Variants in CDK14 observed in about 807,000 individuals in gnomAD.
CDK14 encodes the protein cyclin dependent kinase 14, also known as cyclin-dependent kinase 14.
Under a neutral mutation model 60.7 loss-of-function variants are expected in CDK14, and 34 were observed. The ratio of observed to expected loss-of-function variants is 0.56; its 90% CI spans 0.43 to 0.75. CDK14 has a LOEUF of 0.75. CDK14 is among the 30% of genes least tolerant of loss of function. CDK14 has a pLI of 0.00. For missense variants in CDK14, 482 were observed against 564.1 expected, an observed-to-expected ratio of 0.85 and a Z score of 1.47; for synonymous variants, 197 against 203.7, an observed-to-expected ratio of 0.97 and a Z score of 0.28.
chr7:91,122,486 G>T (rs1025663335), intron 14 of CDK14, among the ~76,000 whole-genome samples: 3 of 152,144 alleles, frequency 2.0e-5, no homozygotes, highest in Admixed American at 1.3e-4. Context: ...TAGAATGGTG[G>T]TTCTTACTCG....
At chr7:90,732,615 A>G (rs989603338) in intron 3 of CDK14, among the ~76,000 whole-genome samples, 12 of 152,090 alleles carry the variant, frequency 7.9e-5, no homozygotes, top group Non-Finnish European at 2.9e-5. Context: ...TAGATTTTTT[A>G]GTTTATTTGC....
chr7:91,046,944 T>C (rs986980458), intron 11 of CDK14, among the ~76,000 whole-genome samples: 9 of 152,210 alleles, frequency 5.9e-5, no homozygotes, highest in Non-Finnish European at 1.2e-4. Flanking sequence ...CTTAATATTT[T>C]TCTTCTGAAA....
At chr7:91,072,050 A>G (rs1798164187) in intron 11 of CDK14, among the ~76,000 whole-genome samples, 1 of 152,316 alleles carries the variant, frequency 6.6e-6, no homozygotes, top group South Asian at 2.1e-4. Flanking sequence ...AGGGGTGGCC[A>G]TAGTCTCTGC....
In CDK14 at chr7:90,838,141, C is replaced by A. The variant is rs1221294533; in HGVS notation, c.545-25034C>A. Among the ~76,000 whole-genome samples, 3 of 152,190 alleles carry A rather than the reference C, an allele frequency of 2.0e-5. No individual in the cohort carries two copies. In the East Asian group the frequency reaches 5.8e-4, roughly 29 times the overall value. Reference sequence around the variant, plus strand: ...ACATAAATTGTGAAGATTTCATGAACATTTATTAGTTCCCAAAATTAATAC... The same window carrying A: ...ACATAAATTGTGAAGATTTCATGAAAATTTATTAGTTCCCAAAATTAATAC... On this transcript the variant is annotated intron_variant, in intron 5 of 14. Coordinates refer to ENST00000380050, the MANE Select transcript of CDK14 (RefSeq NM_001287135.2).
chr7:91,209,177 TAACTTGAA>T lies in CDK14; in HGVS notation c.*2044_*2051del, dbSNP rs1030824345. The T allele has an allele frequency of 6.6e-6, 1 of 152,298 alleles. No homozygotes were observed. Among genetic ancestry groups the T allele is most frequent in the African/African-American group, 2.4e-5 (1 of 41,456 alleles). The allele number at this position is 152,298 out of a possible 1,614,324, so 9.4% of individuals were successfully genotyped here. ...AAATGTTGCTTTTTAATAAGGTTTT[TAACTTGAA>T]AATTTGAAAATATTTAATGTTGAAA... On this transcript the variant is annotated 3_prime_UTR_variant, in exon 15 of 15. Coordinates refer to ENST00000380050, the MANE Select transcript of CDK14 (RefSeq NM_001287135.2).
chr7:90,775,898 G>A (rs2116910797), intron 4 of CDK14, among the ~76,000 whole-genome samples: 1 of 151,468 alleles, frequency 6.6e-6, no homozygotes, highest in East Asian at 2.0e-4. Context: ...GTATTATATG[G>A]TACATGTGGC....
chr7:90,633,198 T>C (rs956655012), intron 2 of CDK14, among the ~76,000 whole-genome samples: 2 of 152,158 alleles, frequency 1.3e-5, no homozygotes, highest in Admixed American at 1.3e-4. Flanking sequence ...TACGTAAGTA[T>C]GGAGACTTTT....
chr7:90,879,862 A>G (rs2117279029), intron 6 of CDK14, among the ~76,000 whole-genome samples: 1 of 151,916 alleles, frequency 6.6e-6, no homozygotes, highest in East Asian at 1.9e-4. Context: ...TCTGAAAGCA[A>G]CACGGGAAAG....
intron 10 of CDK14, among the ~76,000 whole-genome samples, chr7:90,986,556 G>A (rs1044893048): frequency 1.3e-5 from 2 of 151,778 alleles, no homozygotes; most frequent in African/African-American, 4.8e-5. Context: ...GTATAAACAT[G>A]TTTGGTTTTT....
intron 2 of CDK14, among the ~76,000 whole-genome samples, chr7:90,665,726 T>C (rs567565832): frequency 2.6e-5 from 4 of 152,324 alleles, no homozygotes; most frequent in African/African-American, 7.2e-5. Flanking sequence ...GAACTACACA[T>C]TTAAAAATTT....
At chr7:91,021,471 T>C (rs541784448) in intron 10 of CDK14, among the ~76,000 whole-genome samples, 37 of 152,290 alleles carry the variant, frequency 2.4e-4, no homozygotes, top group African/African-American at 8.7e-4. Context: ...AATGTGAGGA[T>C]TTTGTGAGAT....
At chr7:90,815,916 CG>C (rs1208342596) in intron 5 of CDK14, among the ~76,000 whole-genome samples, 1 of 129,130 alleles carries the variant, frequency 7.7e-6, no homozygotes, top group Admixed American at 8.3e-5. Context: ...GGGGCCTTTC[CG>C]GGGATGGGGG....
chr7:90,600,668 G>A (rs1384323343), intron 1 of CDK14, among the ~76,000 whole-genome samples: 3 of 152,164 alleles, frequency 2.0e-5, no homozygotes, highest in African/African-American at 7.2e-5. Flanking sequence ...GAAATATAAG[G>A]TTAAATGTTC....
intron 14 of CDK14, among the ~76,000 whole-genome samples, chr7:91,120,805 A>T (rs376862393): frequency 3.3e-5 from 5 of 151,974 alleles, no homozygotes; most frequent in African/African-American, 1.2e-4. Flanking sequence ...CCAAAGTGCT[A>T]GGATTACAGG....
At chr7:91,084,483 G>A (rs896812040) in intron 12 of CDK14, among the ~76,000 whole-genome samples, 12 of 152,204 alleles carry the variant, frequency 7.9e-5, no homozygotes, top group African/African-American at 2.9e-4. Context: ...AGAGATGACA[G>A]GCCTGCCTGC....
chr7:91,044,196 T>C (rs117123395), intron 10 of CDK14, among the ~76,000 whole-genome samples: 1 of 151,696 alleles, frequency 6.6e-6, no homozygotes, highest in Non-Finnish European at 1.5e-5. Flanking sequence ...AATCAATACA[T>C]GTAAGATGTA....
chr7:90,718,191 A>C (rs1315215913), intron 2 of CDK14, among the ~76,000 whole-genome samples: 1 of 152,084 alleles, frequency 6.6e-6, no homozygotes, highest in African/African-American at 2.4e-5. Context: ...AATAATTTTC[A>C]GCCAAAATGC....
In CDK14 at chr7:90,876,233, A is replaced by G. The variant is rs143178027; in HGVS notation, c.639+12964A>G. Among the ~76,000 whole-genome samples, 78 of 152,276 alleles carry G rather than the reference A, an allele frequency of 5.1e-4. 1 individual carries two copies. The East Asian group carries it at 0.011, about 21-fold the overall frequency. On this transcript the variant is annotated intron_variant, in intron 6 of 14. Coordinates refer to ENST00000380050, the MANE Select transcript of CDK14 (RefSeq NM_001287135.2). ...TTCCTGTGATGCTATGAGATTCCCA[A>G]TGAAAAAACTTCCAAACTCCTGCCT...
chr7:91,022,311 C>T (rs1306367818), intron 10 of CDK14, among the ~76,000 whole-genome samples: 2 of 152,218 alleles, frequency 1.3e-5, no homozygotes, highest in African/African-American at 2.4e-5. Flanking sequence ...TTCTCAGCTA[C>T]TGACAATAGT....
Sources: gnomAD v4.1 joint callset for allele counts (sites outside exome capture counted in the v4.1 genomes callset) on GRCh38, gnomAD v4.1.1 for gene constraint, MANE v1.5 for transcripts, NCBI Gene and HGNC (gene_info 2026-07-23, HGNC 2026-07-21) for gene names.